Variants in NLK observed in about 807,000 individuals in gnomAD.
NLK encodes the protein serine/threonine-protein kinase NLK.
Under a neutral mutation model 59.0 loss-of-function variants are expected in NLK, and 11 were observed. That is an observed-to-expected ratio of 0.19 (90% confidence interval 0.12 to 0.31). NLK has a LOEUF of 0.31. NLK is among the 10% of genes least tolerant of loss of function. The probability of loss-of-function intolerance (pLI) is 1.00; values close to 1 mark genes in which losing one functional copy is unlikely to be tolerated. For missense variants in NLK, 410 were observed against 661.1 expected (o/e 0.62, Z 4.16); for synonymous variants, 235 against 235.9 (o/e 1.00, Z 0.03).
chr17:28,168,688 A>G, intron 6 of NLK, 31 bp downstream of exon 6: 2 of 1,531,498 alleles, frequency 1.3e-6, no homozygotes, highest in Non-Finnish European at 9.0e-7. Context: ...TTTAGTTGCA[A>G]TTCTATTGCA....
chr17:28,128,134 G>A lies in NLK; in HGVS notation c.589-4486G>A, dbSNP rs779005694. On this transcript the variant is annotated intron_variant, in intron 2 of 10. Coordinates refer to ENST00000407008, the MANE Select transcript of NLK (RefSeq NM_016231.5). Reference sequence around the variant, plus strand: ...TTCAAAATGGATCATAGACTTAAATGTGAAAGGTAAAATAATAAAACTCCT... The same window carrying A: ...TTCAAAATGGATCATAGACTTAAATATGAAAGGTAAAATAATAAAACTCCT... Among the ~76,000 whole-genome samples the A allele has an allele frequency of 2.6e-5, 4 of 152,220 alleles. 1 individual carries two copies. The highest frequency in any genetic ancestry group is 4.1e-4 in the South Asian group (2 of 4,828).
At chr17:28,106,396 C>T (rs1172984042) in intron 1 of NLK, among the ~76,000 whole-genome samples, 1 of 152,122 alleles carries the variant, frequency 6.6e-6, no homozygotes, top group Non-Finnish European at 1.5e-5. Flanking sequence ...TTATATACTG[C>T]TTCTTATATG....
chr17:28,140,445 AT>A lies in NLK; in HGVS notation c.644+7775del, dbSNP rs562301190. Among the ~76,000 whole-genome samples, 18 of 152,324 alleles carry A rather than the reference AT, an allele frequency of 1.2e-4. No individual in the cohort carries two copies. The South Asian group carries it at 3.5e-3, about 30-fold the overall frequency. On this transcript the variant is annotated intron_variant, in intron 3 of 10. Coordinates refer to ENST00000407008, the MANE Select transcript of NLK (RefSeq NM_016231.5). ...TAAATTTTGTGTGTATTTTACCACA[AT>A]TTTTAAAAAACACCATAACAAGGAC...
intron 1 of NLK, among the ~76,000 whole-genome samples, chr17:28,078,153 C>T (rs1346696897): frequency 1.3e-5 from 2 of 151,614 alleles, no homozygotes; most frequent in Non-Finnish European, 2.9e-5. Flanking sequence ...TTTTTTTCTC[C>T]CAGAAAACAT....
At chr17:28,094,536 C>T (rs192465811) in intron 1 of NLK, among the ~76,000 whole-genome samples, 7 of 152,142 alleles carry the variant, frequency 4.6e-5, no homozygotes, top group East Asian at 1.9e-4. Context: ...TATGGTAATA[C>T]GTAATGTAAA....
At chr17:28,088,581 A>T (rs1173497570) in intron 1 of NLK, among the ~76,000 whole-genome samples, 4 of 152,240 alleles carry the variant, frequency 2.6e-5, no homozygotes, top group Admixed American at 1.3e-4. Flanking sequence ...TATATTTCAT[A>T]TAGAAAAATA....
intron 1 of NLK, among the ~76,000 whole-genome samples, chr17:28,111,404 ACCTCAGGAGATCTGC>A (rs1905472476): frequency 6.6e-6 from 1 of 150,978 alleles, no homozygotes; most frequent in Non-Finnish European, 1.5e-5. Flanking sequence ...GGCCAGGCTG[ACCTCAGGAGATCTGC>A]CCACCTTGGC....
intron 6 of NLK, among the ~76,000 whole-genome samples, chr17:28,170,949 T>C (rs1402533448): frequency 6.6e-6 from 1 of 152,242 alleles, no homozygotes; most frequent in Non-Finnish European, 1.5e-5. Context: ...AGGAAAAGGC[T>C]CTAACTTCTA....
intron 1 of NLK, among the ~76,000 whole-genome samples, chr17:28,052,421 A>G (rs997343135): frequency 6.6e-6 from 1 of 152,290 alleles, no homozygotes. Context: ...GAGAGTTACT[A>G]GTTTGCATGT....
chr17:28,153,708 T>C (rs1861698999), intron 3 of NLK, among the ~76,000 whole-genome samples: 1 of 152,202 alleles, frequency 6.6e-6, no homozygotes, highest in Non-Finnish European at 1.5e-5. Flanking sequence ...TTCTGTGTAA[T>C]GGTCCTTTGT....
chr17:28,049,488 C>A (rs1909173634), intron 1 of NLK, among the ~76,000 whole-genome samples: 1 of 152,066 alleles, frequency 6.6e-6, no homozygotes, highest in African/African-American at 2.4e-5. Context: ...ATTTTGCGAA[C>A]CTCTATTAAG....
intron 7 of NLK, among the ~76,000 whole-genome samples, chr17:28,183,088 GCGTGTGC>G (rs1002362172): frequency 1.3e-4 from 20 of 152,346 alleles, no homozygotes; most frequent in Admixed American, 4.6e-4. Flanking sequence ...GGGCACAGTG[GCGTGTGC>G]CTTTGGTCTC....
At chr17:28,084,859 G>T (rs575906763) in intron 1 of NLK, among the ~76,000 whole-genome samples, 28 of 152,276 alleles carry the variant, frequency 1.8e-4, no homozygotes, top group African/African-American at 6.5e-4. Flanking sequence ...ACCGCACCCA[G>T]CCCCTGTCCC....
At chr17:28,200,628 C>A (rs901119269), downstream of NLK, among the ~76,000 whole-genome samples, 1 of 152,156 alleles carries the variant, frequency 6.6e-6, no homozygotes, top group South Asian at 2.1e-4. Flanking sequence ...GGACTACAGG[C>A]GTGTGCCACC....
At chr17:28,185,013 A>G (rs1025398841) in intron 7 of NLK, among the ~76,000 whole-genome samples, 166 bp from the exon 8 acceptor site, 22 of 152,210 alleles carry the variant, frequency 1.4e-4, no homozygotes, top group South Asian at 2.1e-4. Context: ...GTTAGTAACA[A>G]TTGTTGCTTT....
chr17:28,075,230 G>A (rs1300168786), intron 1 of NLK, among the ~76,000 whole-genome samples: 1 of 152,198 alleles, frequency 6.6e-6, no homozygotes, highest in African/African-American at 2.4e-5. Flanking sequence ...ACAACTGATT[G>A]ATGTTATTCC....
At chr17:28,048,172 A>G (rs928110107) in intron 1 of NLK, 6 of 383,514 alleles carry the variant, frequency 1.6e-5, no homozygotes, top group African/African-American at 1.2e-4. Context: ...TAAAGTAGAT[A>G]AAGAGTAGAG....
At chr17:28,115,322 T>C (rs1597689956) in intron 1 of NLK, among the ~76,000 whole-genome samples, 2 of 152,178 alleles carry the variant, frequency 1.3e-5, no homozygotes, top group South Asian at 4.1e-4. Context: ...AAAATGTGGT[T>C]TGTAGAGTTT....
chr17:28,147,817 TG>T (rs768888746), intron 3 of NLK, among the ~76,000 whole-genome samples: 1 of 152,218 alleles, frequency 6.6e-6, no homozygotes, highest in Non-Finnish European at 1.5e-5. Context: ...CAGGATGTGC[TG>T]CTTGTTATAT....
Sources: gnomAD v4.1 joint callset for allele counts (sites outside exome capture counted in the v4.1 genomes callset) on GRCh38, gnomAD v4.1.1 for gene constraint, MANE v1.5 for transcripts, NCBI Gene and HGNC (gene_info 2026-07-23, HGNC 2026-07-21) for gene names.